BBX: variants seen among roughly 807,000 people sequenced by gnomAD.
The protein encoded by BBX is HMG box transcription factor BBX.
In BBX, 30 loss-of-function variants were observed where a neutral mutation model predicts 100.2. The observed-to-expected ratio is 0.30, with a 90% CI of 0.22 to 0.41. The LOEUF (loss-of-function observed/expected upper bound fraction) is 0.41, where lower values mean the gene tolerates loss of function less well. Ranked by LOEUF, BBX falls within the 10% of genes least tolerant of loss-of-function variation. The probability of loss-of-function intolerance (pLI) is 1.00; values close to 1 mark genes in which losing one functional copy is unlikely to be tolerated. For synonymous variants in BBX, 376 were observed against 388.1 expected (o/e 0.97, Z 0.37); for missense variants, 1,023 against 1,129.8 (o/e 0.91, Z 1.35).
chr3:107,775,155 T>A (rs1409144109), intron 12 of BBX, among the ~76,000 whole-genome samples: 1 of 152,172 alleles, frequency 6.6e-6, no homozygotes, highest in Non-Finnish European at 1.5e-5. Context: ...CATTTTTCCA[T>A]CCGAAGCTTA....
At chr3:107,727,244 G>A (rs148398624) in intron 5 of BBX, among the ~76,000 whole-genome samples, 2 of 152,196 alleles carry the variant, frequency 1.3e-5, no homozygotes, top group East Asian at 1.9e-4. Flanking sequence ...ACTGGGACAC[G>A]ATAATGATGC....
chr3:107,687,022 AG>A, intron 3 of BBX, among the ~76,000 whole-genome samples: 1 of 152,310 alleles, frequency 6.6e-6, no homozygotes, highest in Middle Eastern at 3.4e-3. Flanking sequence ...ACTTTTTTTA[AG>A]GAAAAAAATG....
At chr3:107,595,813 C>T (rs1335253176) in intron 2 of BBX, among the ~76,000 whole-genome samples, 2 of 152,206 alleles carry the variant, frequency 1.3e-5, no homozygotes, top group African/African-American at 4.8e-5. Flanking sequence ...CGGGGTTTAA[C>T]ATGCTGACCC....
At chr3:107,768,239 C>T (rs1429762271) in intron 10 of BBX, among the ~76,000 whole-genome samples, 1 of 152,162 alleles carries the variant, frequency 6.6e-6, no homozygotes, top group Non-Finnish European at 1.5e-5. Flanking sequence ...CAAAAGCCGA[C>T]CTCATTTTCT....
intron 3 of BBX, among the ~76,000 whole-genome samples, chr3:107,679,558 C>A (rs1429353104): frequency 2.0e-5 from 3 of 152,116 alleles, no homozygotes; most frequent in Non-Finnish European, 4.4e-5. Context: ...TAAAATATCA[C>A]CTCTTCAAGA....
chr3:107,624,011 C>T (rs1182982019), intron 2 of BBX, among the ~76,000 whole-genome samples: 1 of 152,176 alleles, frequency 6.6e-6, no homozygotes, highest in African/African-American at 2.4e-5. Context: ...GACCACCCAT[C>T]GCACTTTATG....
chr3:107,709,963 T>G (rs949230903), intron 3 of BBX, among the ~76,000 whole-genome samples: 3 of 152,260 alleles, frequency 2.0e-5, no homozygotes, highest in African/African-American at 7.2e-5. Flanking sequence ...AGATTTAACA[T>G]GGTATAGAAT....
chr3:107,530,384 CCAAAACAAAACAAAACAAAA>C (rs56337631), intron 2 of BBX, among the ~76,000 whole-genome samples: 8 of 149,804 alleles, frequency 5.3e-5, no homozygotes, highest in Non-Finnish European at 1.0e-4. Context: ...GACTCTGTCT[CCAAAACAAAACAAAACAAAA>C]CAAAACAAAA....
intron 2 of BBX, among the ~76,000 whole-genome samples, chr3:107,549,720 G>A (rs1050630996): frequency 6.6e-6 from 1 of 152,138 alleles, no homozygotes; most frequent in Non-Finnish European, 1.5e-5. Flanking sequence ...AGAATTAGGG[G>A]CAAGCCATGT....
intron 2 of BBX, among the ~76,000 whole-genome samples, chr3:107,586,040 A>G (rs985145427): frequency 6.6e-6 from 1 of 152,140 alleles, no homozygotes; most frequent in Non-Finnish European, 1.5e-5. Flanking sequence ...ATATAACTGT[A>G]TTGTTAAATA....
At chr3:107,753,994 C>G (rs907754717) in intron 9 of BBX, among the ~76,000 whole-genome samples, 2 of 152,112 alleles carry the variant, frequency 1.3e-5, no homozygotes, top group African/African-American at 4.8e-5. Flanking sequence ...AGCATAATAT[C>G]TCTTCAGCAC....
intron 2 of BBX, among the ~76,000 whole-genome samples, chr3:107,567,258 A>G (rs2050989144): frequency 6.6e-6 from 1 of 151,978 alleles, no homozygotes; most frequent in African/African-American, 2.4e-5. Flanking sequence ...GGTTAATATT[A>G]TGTCTCTTAG....
chr3:107,665,405 C>G (rs754513995), intron 3 of BBX, among the ~76,000 whole-genome samples: 1 of 152,004 alleles, frequency 6.6e-6, no homozygotes, highest in South Asian at 2.1e-4. Flanking sequence ...TTCCTTTTGA[C>G]GCCACAATTT....
chr3:107,777,080 G>A (rs1172951174), intron 12 of BBX, among the ~76,000 whole-genome samples: 1 of 152,108 alleles, frequency 6.6e-6, no homozygotes, highest in Non-Finnish European at 1.5e-5. Context: ...TTTAAATTAT[G>A]CACCACAATG....
chr3:107,787,675 A>G (rs1352099064), intron 13 of BBX, among the ~76,000 whole-genome samples: 1 of 152,194 alleles, frequency 6.6e-6, no homozygotes, highest in Non-Finnish European at 1.5e-5. Flanking sequence ...AATCAGTTAA[A>G]ACAATAGGTT....
At chr3:107,735,869 A>G (rs924296143) in intron 7 of BBX, among the ~76,000 whole-genome samples, 16 of 152,026 alleles carry the variant, frequency 1.1e-4, no homozygotes, top group African/African-American at 3.6e-4. Context: ...TATTATTTCA[A>G]CATTTTTTAT....
At chr3:107,570,525 A>G (rs2051275890) in intron 2 of BBX, among the ~76,000 whole-genome samples, 1 of 152,186 alleles carries the variant, frequency 6.6e-6, no homozygotes, top group Non-Finnish European at 1.5e-5. Flanking sequence ...GGTCGGATAA[A>G]GAAAAAGGAA....
In BBX at chr3:107,755,666, T is replaced by C. The variant is rs2065417554; in HGVS notation, c.894T>C (p.Phe298=). 1 of 1,613,728 alleles carries C rather than the reference T, an allele frequency of 6.2e-7. No homozygotes were observed. The change falls in exon 10 of 18, where the codon TTT becomes TTC. Residue 298 remains phenylalanine (F), a synonymous_variant. Coordinates refer to ENST00000325805, the MANE Select transcript of BBX (RefSeq NM_001142568.3). ...PVKRCGKSAL[F]QLAEMCLASE... is the part of the protein sequence containing the mutation. ...AACGCTGTGGAAAGTCTGCACTCTTTCAACTGGCAGAGGCAAGTTCCTAAG... is the reference window on the plus strand; with the variant it reads ...AACGCTGTGGAAAGTCTGCACTCTTCCAACTGGCAGAGGCAAGTTCCTAAG...
At chr3:107,540,216 A>G (rs1423671026) in intron 2 of BBX, among the ~76,000 whole-genome samples, 1 of 152,226 alleles carries the variant, frequency 6.6e-6, no homozygotes, top group Admixed American at 6.5e-5. Context: ...GCAGTACAGC[A>G]TATAGAGATA....
Sources: allele counts gnomAD v4.1 joint callset (sites outside exome capture counted in the v4.1 genomes callset), GRCh38; gene constraint gnomAD v4.1.1; transcripts MANE v1.5; gene names NCBI Gene and HGNC (gene_info 2026-07-23, HGNC 2026-07-21).